Variants in HOMER1 observed in about 807,000 individuals in gnomAD.
HOMER1 encodes the protein homer scaffold protein 1.
Under a neutral mutation model 48.9 loss-of-function variants are expected in HOMER1, and 3 were observed. That is an observed-to-expected ratio of 0.06 (90% CI 0.03 to 0.16). The LOEUF (loss-of-function observed/expected upper bound fraction) is 0.16. HOMER1 is among the 10% of genes least tolerant of loss of function. The probability of loss-of-function intolerance (pLI) is 1.00; values close to 1 mark genes in which losing one functional copy is unlikely to be tolerated. For missense variants in HOMER1, 247 were observed against 411.4 expected, an observed-to-expected ratio of 0.60 and a Z score of 3.46; for synonymous variants, 134 against 146.4, an observed-to-expected ratio of 0.92 and a Z score of 0.61.
intron 1 of HOMER1, among the ~76,000 whole-genome samples, chr5:79,481,595 C>A (rs562706116): frequency 6.6e-6 from 1 of 152,262 alleles, no homozygotes; most frequent in South Asian, 2.1e-4. Flanking sequence ...TAGAGGATTC[C>A]TCTCATGTTT....
rs547962255 is a variant in HOMER1 at position 79,484,159 on chromosome 5, G to A, written c.6-27141C>T. Among the ~76,000 whole-genome samples, 4 of 151,950 alleles carry A rather than the reference G, an allele frequency of 2.6e-5. No homozygotes were observed. In the East Asian group the frequency reaches 7.7e-4, roughly 29 times the overall value. On this transcript the variant is annotated intron_variant, in intron 1 of 8. Coordinates refer to ENST00000334082, the MANE Select transcript of HOMER1 (RefSeq NM_004272.5). ...TAAGGTTCTTATTATATATGAAGTA[G>A]TAAAATGGATCACCTAAAGGTAGAC...
At chr5:79,434,938 A>C (rs1165656476) in intron 5 of HOMER1, among the ~76,000 whole-genome samples, 3 of 152,190 alleles carry the variant, frequency 2.0e-5, no homozygotes, top group Non-Finnish European at 4.4e-5. Context: ...AAAGTCCAAA[A>C]GTAATTTTAG....
intron 5 of HOMER1, among the ~76,000 whole-genome samples, chr5:79,438,610 A>T (rs1249060834): frequency 1.3e-5 from 2 of 151,708 alleles, no homozygotes; most frequent in Non-Finnish European, 2.9e-5. Flanking sequence ...AAGCCTACTT[A>T]AAAAAAAATT....
chr5:79,436,095 C>T (rs1436487522), intron 5 of HOMER1, among the ~76,000 whole-genome samples: 3 of 150,316 alleles, frequency 2.0e-5, no homozygotes, highest in East Asian at 2.0e-4. Context: ...CACTGCAGTC[C>T]GCAGTCCGGC....
chr5:79,451,145 C>T (rs1751015917), intron 2 of HOMER1, 24 bp from the exon 3 acceptor site: 15 of 1,602,816 alleles, frequency 9.4e-6, no homozygotes, highest in Non-Finnish European at 1.3e-5. Flanking sequence ...CAAGTATGAG[C>T]AACCAGCAAA....
chr5:79,457,989 T>A (rs544099536), intron 1 of HOMER1, among the ~76,000 whole-genome samples: 18 of 152,192 alleles, frequency 1.2e-4, no homozygotes, highest in African/African-American at 4.3e-4. Context: ...GGTAAAGAAC[T>A]TACTGGGAAA....
At chr5:79,435,263 GTTAA>G (rs1243975189) in intron 5 of HOMER1, among the ~76,000 whole-genome samples, 5 of 152,152 alleles carry the variant, frequency 3.3e-5, no homozygotes, top group Non-Finnish European at 7.4e-5. Flanking sequence ...CTTTTGACAT[GTTAA>G]TTAACAAATT....
At chr5:79,500,728 G>A (rs765310789) in intron 1 of HOMER1, among the ~76,000 whole-genome samples, 5 of 151,306 alleles carry the variant, frequency 3.3e-5, no homozygotes, top group Admixed American at 2.0e-4. Flanking sequence ...AGGATCAAGC[G>A]ATTCTTATGC....
intron 1 of HOMER1, among the ~76,000 whole-genome samples, chr5:79,466,104 T>C (rs74813982): frequency 0.043 from 6,515 of 152,190 alleles, 346 homozygotes; most frequent in East Asian, 0.28. Context: ...TTGCTTGGTA[T>C]GTATTAAATA....
intron 1 of HOMER1, among the ~76,000 whole-genome samples, chr5:79,502,736 T>C (rs1041019021): frequency 6.6e-6 from 1 of 152,194 alleles, no homozygotes; most frequent in Admixed American, 6.5e-5. Flanking sequence ...CAGTTAACCC[T>C]TGAACAATTT....
At chr5:79,465,448 A>G (rs529785830) in intron 1 of HOMER1, among the ~76,000 whole-genome samples, 1 of 152,274 alleles carries the variant, frequency 6.6e-6, no homozygotes, top group Non-Finnish European at 1.5e-5. Flanking sequence ...TAGTTATCAG[A>G]AATATTTTCA....
At chr5:79,437,066 T>C (rs1750602118) in intron 5 of HOMER1, among the ~76,000 whole-genome samples, 1 of 152,194 alleles carries the variant, frequency 6.6e-6, no homozygotes, top group African/African-American at 2.4e-5. Flanking sequence ...TAACTCTTAT[T>C]AGACTCTTGA....
At chr5:79,503,070 AG>A (rs755723527) in intron 1 of HOMER1, among the ~76,000 whole-genome samples, 2 of 152,028 alleles carry the variant, frequency 1.3e-5, no homozygotes, top group South Asian at 2.1e-4. Flanking sequence ...TACAGGCGTG[AG>A]CCACTGCGCC....
At chr5:79,478,891 G>T (rs148337176) in intron 1 of HOMER1, among the ~76,000 whole-genome samples, 1 of 152,206 alleles carries the variant, frequency 6.6e-6, no homozygotes, top group Non-Finnish European at 1.5e-5. Flanking sequence ...GGTGGAGGTT[G>T]CAGTGAGCTG....
At chr5:79,484,923 CAAGGTTTTGAAA>C (rs1021702091) in intron 1 of HOMER1, among the ~76,000 whole-genome samples, 17 of 152,172 alleles carry the variant, frequency 1.1e-4, no homozygotes, top group African/African-American at 4.1e-4. Flanking sequence ...CATCATTGCT[CAAGGTTTTGAAA>C]AAGTATTTCC....
chr5:79,398,054 T>G (rs1749433280), intron 6 of HOMER1: 1 of 153,314 alleles, frequency 6.5e-6, no homozygotes. Flanking sequence ...ATTTCCAACA[T>G]GTAAGAGAAT....
chr5:79,427,766 CTTCCTTCCTTTCCTTCAT>C (rs1750310037), intron 5 of HOMER1, among the ~76,000 whole-genome samples: 1 of 129,238 alleles, frequency 7.7e-6, no homozygotes, highest in South Asian at 2.5e-4. Flanking sequence ...CCTTCCCTTC[CTTCCTTCCTTTCCTTCAT>C]TTCCTTCCTT....
chr5:79,403,409 C>T (rs1297482524), intron 5 of HOMER1, among the ~76,000 whole-genome samples: 1 of 152,098 alleles, frequency 6.6e-6, no homozygotes, highest in African/African-American at 2.4e-5. Flanking sequence ...AGAAATATGA[C>T]ATATTAGCAT....
At chr5:79,499,836 T>C in intron 1 of HOMER1, among the ~76,000 whole-genome samples, 1 of 152,232 alleles carries the variant, frequency 6.6e-6, no homozygotes, top group East Asian at 1.9e-4. Flanking sequence ...TCAAGTGTTC[T>C]GTCTGCTTAA....
Sources: allele counts gnomAD v4.1 joint callset (sites outside exome capture counted in the v4.1 genomes callset), GRCh38; gene constraint gnomAD v4.1.1; transcripts MANE v1.5; gene names NCBI Gene and HGNC (gene_info 2026-07-23, HGNC 2026-07-21).